Variants in ZFYVE9 observed in about 807,000 individuals in gnomAD.
The protein encoded by ZFYVE9 is zinc finger FYVE-type containing 9.
In ZFYVE9, 43 loss-of-function variants were observed where a neutral mutation model predicts 126.7. The observed-to-expected ratio is 0.34, with a 90% CI of 0.27 to 0.44. ZFYVE9 has a LOEUF of 0.44. Among genes scored for constraint, ZFYVE9 ranks in the 20% least tolerant of loss-of-function variants. ZFYVE9 has a pLI of 1.00. For synonymous variants in ZFYVE9, 521 were observed against 597.4 expected (o/e 0.87, Z 1.87); for missense variants, 1,476 against 1,697.0 (o/e 0.87, Z 2.29).
chr1:52,285,942 C>G (rs568445755), intron 10 of ZFYVE9, among the ~76,000 whole-genome samples: 2 of 152,158 alleles, frequency 1.3e-5, no homozygotes, highest in Admixed American at 1.3e-4. Flanking sequence ...ATCACCTTAG[C>G]TCAGGAGTTC....
Position 52,293,633 on chromosome 1 carries a change from T to C in ZFYVE9, c.3206T>C (p.Val1069Ala). 2 of 1,614,154 alleles carry C rather than the reference T, an allele frequency of 1.2e-6. No homozygotes were observed. Among genetic ancestry groups the C allele is most frequent in the Non-Finnish European group, 1.7e-6 (2 of 1,180,026 alleles). ...AAATGGGAAACTCCTTGGGCTAAAG[T>C]ATTTCCTATCCGTCTGATGTTGAGA... is the stretch of plus-strand genomic sequence containing the variant. ...IQKWETPWAKVFPIRLMLRLG... is the reference protein window; with the variant it reads ...IQKWETPWAKAFPIRLMLRLG... The change falls in exon 11 of 19, where the codon GTA becomes GCA. Residue 1069 changes from valine to alanine, a missense_variant. Val to Ala is a moderately conservative substitution (Grantham distance 64). Coordinates refer to ENST00000287727, the MANE Select transcript of ZFYVE9 (RefSeq NM_004799.4).
chr1:52,182,326 A>G (rs1022921040), intron 1 of ZFYVE9, among the ~76,000 whole-genome samples: 2 of 152,144 alleles, frequency 1.3e-5, no homozygotes, highest in African/African-American at 2.4e-5. Flanking sequence ...AGGTGGGGAA[A>G]AGATTGAGAA....
rs200874970 is a variant in ZFYVE9, at chr1:52,340,924, A to C, written c.3939+693A>C. On this transcript the variant is annotated intron_variant, in intron 17 of 18. Transcript: ENST00000287727. ...CGTCTCAAAAAAAAAAAAAAAAAAAAAAAAAAAAACTAGGCCGGGTGTGGT... is the reference window on the plus strand; with the variant it reads ...CGTCTCAAAAAAAAAAAAAAAAAAACAAAAAAAAACTAGGCCGGGTGTGGT... Among the ~76,000 whole-genome samples, 495 of 145,988 alleles carry C rather than the reference A, an allele frequency of 3.4e-3. 10 individuals are homozygous for C. In the East Asian group the frequency reaches 0.048, roughly 14 times the overall value.
Position 52,237,631 on chromosome 1 carries a change from T to C in ZFYVE9, c.214T>C (p.Phe72Leu), listed in dbSNP as rs748943706. 25 of 1,613,994 alleles carry C rather than the reference T, an allele frequency of 1.5e-5. No individual in the cohort carries two copies. The highest frequency in any genetic ancestry group is 2.1e-5 in the Non-Finnish European group (25 of 1,179,984). The stretch of plus-strand genomic sequence containing the variant: ...TGAGTCACAACCACAACTGAAAGTC[T>C]TCTCCCTGGCTCATTCAGCTCCCCT... ...SNESQPQLKV[F>L]SLAHSAPLTT... is the part of the protein sequence containing the mutation. The change falls in exon 4 of 19, where the codon TTC becomes CTC. Residue 72 changes from phenylalanine (F) to leucine (L), a missense_variant. Phe to Leu is a conservative substitution (Grantham distance 22). This residue lies in a region of ZFYVE9 where 807 missense variants were observed against 794.6 expected (regional missense o/e 1.02). Coordinates refer to ENST00000287727, the MANE Select transcript of ZFYVE9 (RefSeq NM_004799.4).
intron 1 of ZFYVE9, among the ~76,000 whole-genome samples, chr1:52,164,565 C>G (rs1459200169): frequency 1.3e-5 from 2 of 152,010 alleles, no homozygotes. Context: ...TCTGTTTGCA[C>G]CGAGCCAACA....
intron 1 of ZFYVE9, among the ~76,000 whole-genome samples, chr1:52,181,266 G>A (rs1356181339): frequency 1.3e-5 from 2 of 152,194 alleles, no homozygotes; most frequent in Non-Finnish European, 2.9e-5. Context: ...TATTTTTTTG[G>A]TGGAGACGGG....
chr1:52,286,852 T>A (rs557957423), intron 10 of ZFYVE9, among the ~76,000 whole-genome samples: 1 of 152,184 alleles, frequency 6.6e-6, no homozygotes, highest in Admixed American at 6.5e-5. Flanking sequence ...TCTCCATACT[T>A]CCATTGTAGC....
At chr1:52,197,404 C>T (rs1644870670) in intron 1 of ZFYVE9, among the ~76,000 whole-genome samples, 1 of 152,054 alleles carries the variant, frequency 6.6e-6, no homozygotes, top group African/African-American at 2.4e-5. Context: ...CTTTAGAACC[C>T]AGAAAAGAGG....
intron 13 of ZFYVE9, among the ~76,000 whole-genome samples, chr1:52,308,229 A>G (rs1646104478): frequency 6.6e-6 from 1 of 152,054 alleles, no homozygotes; most frequent in South Asian, 2.1e-4. Flanking sequence ...CACCAAGGCT[A>G]GAGTGCAGTG....
intron 3 of ZFYVE9, among the ~76,000 whole-genome samples, chr1:52,234,305 C>CA (rs1272278445): frequency 6.6e-6 from 1 of 151,760 alleles, no homozygotes; most frequent in African/African-American, 2.4e-5. Context: ...ACAGAAAATA[C>CA]AAAAAAAATT....
At chr1:52,273,130 C>T (rs1407833442) in intron 7 of ZFYVE9, among the ~76,000 whole-genome samples, 1 of 152,072 alleles carries the variant, frequency 6.6e-6, no homozygotes, top group Non-Finnish European at 1.5e-5. Context: ...CCTCAGCCTC[C>T]CTAGTAGCTG....
chr1:52,222,641 C>A (rs1161427842), intron 2 of ZFYVE9, among the ~76,000 whole-genome samples: 1 of 152,178 alleles, frequency 6.6e-6, no homozygotes, highest in Admixed American at 6.5e-5. Context: ...ATGTTTTAAA[C>A]CTATCCTGGC....
Position 52,293,589 on chromosome 1 carries a change from G to C in ZFYVE9, c.3162G>C (p.Leu1054Phe). Residue 1054 changes from leucine to phenylalanine, a missense_variant, in exon 11 of 19, where the codon TTG becomes TTC. Leu to Phe is a conservative substitution (Grantham distance 22). Transcript: ENST00000287727. ...TAGTACTCCCAACCCCACCTTACTT[G>C]TTTGGGATTCTTATCCAGAAATGGG... ...QDLVLPTPPY[L>F]FGILIQKWET... 1 of 1,613,998 alleles carries C rather than the reference G, an allele frequency of 6.2e-7. No homozygotes were observed. Among genetic ancestry groups the C allele is most frequent in the Non-Finnish European group, 8.5e-7 (1 of 1,179,972 alleles).
intron 17 of ZFYVE9, among the ~76,000 whole-genome samples, chr1:52,342,517 G>T (rs916772903): frequency 6.9e-6 from 1 of 144,326 alleles, no homozygotes; most frequent in Admixed American, 7.2e-5. Context: ...CAATCCGCCC[G>T]TCTTGGCCTC....
At chr1:52,278,699 A>G (rs1404019760) in intron 9 of ZFYVE9, 85 bp downstream of exon 9, 5 of 851,026 alleles carry the variant, frequency 5.9e-6, no homozygotes, top group South Asian at 2.1e-5. Context: ...ACACACAAGT[A>G]TTTTTATATA....
intron 12 of ZFYVE9, among the ~76,000 whole-genome samples, chr1:52,298,896 G>A (rs553860009): frequency 2.1e-5 from 3 of 139,552 alleles, no homozygotes; most frequent in East Asian, 4.4e-4. Context: ...TGCAAGCTCC[G>A]CCTCCCGGGT....
chr1:52,246,522 T>C (rs1487293590), intron 4 of ZFYVE9, among the ~76,000 whole-genome samples: 1 of 149,606 alleles, frequency 6.7e-6, no homozygotes, highest in East Asian at 2.0e-4. Flanking sequence ...TTTTATCCTG[T>C]TTTTTTTCCT....
chr1:52,232,077 T>G (rs949233673), intron 2 of ZFYVE9, among the ~76,000 whole-genome samples: 1 of 152,218 alleles, frequency 6.6e-6, no homozygotes, highest in African/African-American at 2.4e-5. Flanking sequence ...ATATTTGACT[T>G]AAAGTTTACA....
chr1:52,239,681 T>C (rs894720026), intron 4 of ZFYVE9, 86 bp downstream of exon 4: 1 of 1,438,132 alleles, frequency 7.0e-7, no homozygotes, highest in Non-Finnish European at 9.3e-7. Flanking sequence ...GTAAGGTGAA[T>C]ATATGTCTGG....
Sources: gnomAD v4.1 joint callset for allele counts (sites outside exome capture counted in the v4.1 genomes callset) on GRCh38, gnomAD v4.1.1 for gene constraint, gnomAD v4.1.1 regional missense constraint, MANE v1.5 for transcripts, NCBI Gene and HGNC (gene_info 2026-07-23, HGNC 2026-07-21) for gene names.